BACH1: variants seen among roughly 807,000 people sequenced by gnomAD.
The protein encoded by BACH1 is BTB domain and CNC homolog 1.
A neutral mutation model predicts 52.9 loss-of-function variants in BACH1; 35 were observed. The ratio of observed to expected loss-of-function variants is 0.66; its 90% CI spans 0.51 to 0.88. The LOEUF (loss-of-function observed/expected upper bound fraction) is 0.88, where lower values mean the gene tolerates loss of function less well. Ranked by LOEUF, BACH1 falls within the 40% of genes least tolerant of loss-of-function variation. The pLI, the probability that BACH1 is intolerant of heterozygous loss-of-function variation, is 0.00. For synonymous variants in BACH1, 321 were observed against 319.6 expected (o/e 1.00, Z -0.05); for missense variants, 808 against 872.6 (o/e 0.93, Z 0.93).
chr21:29,343,464 G>A lies in BACH1; in HGVS notation c.*631G>A, dbSNP rs73195611. The A allele has an allele frequency of 0.075, 11,487 of 152,234 alleles. 564 individuals are homozygous for A. The highest frequency in any genetic ancestry group is 0.12 in the Non-Finnish European group (7,975 of 68,034). 9.4% of individuals were successfully genotyped at this position (152,234 alleles called of 1,614,324 possible). On this transcript the variant is annotated 3_prime_UTR_variant, in exon 5 of 5. Coordinates refer to ENST00000286800, the MANE Select transcript of BACH1 (RefSeq NM_001186.4). ...TAGGCAAGTGGTTGGCCTAAGACGG[G>A]GGCTGCTTCTCCTCTTCAGTATGGA...
rs1321384481 is a variant in BACH1, at chr21:29,345,982, T to A, written c.*3149T>A. ...ATGCAATAAAACCACTAAACTTTTG[T>A]GTCCATATTTTACTGAGACCATGTT... On this transcript the variant is annotated 3_prime_UTR_variant, in exon 5 of 5. Coordinates refer to ENST00000286800, the MANE Select transcript of BACH1 (RefSeq NM_001186.4). The A allele has an allele frequency of 6.6e-6, 1 of 152,646 alleles. No homozygotes were observed. Among genetic ancestry groups the A allele is most frequent in the Admixed American group, 6.5e-5 (1 of 15,280 alleles). 9.5% of individuals were successfully genotyped at this position (152,646 alleles called of 1,614,324 possible). A position where few individuals can be genotyped will look rare whatever the true frequency, so the allele number is the denominator to read the frequency against.
At chr21:29,352,057 CT>C (rs35436105) in intron 2 of BACH1, among the ~76,000 whole-genome samples, 305 of 139,680 alleles carry the variant, frequency 2.2e-3, no homozygotes, top group Middle Eastern at 3.7e-3. Context: ...ACCTAGTTTT[CT>C]TTTTTTTTTT....
At chr21:29,299,899 A>G (rs2088583843) in intron 1 of BACH1, 1 of 152,224 alleles carries the variant, frequency 6.6e-6, no homozygotes. Context: ...ACTGTTACCC[A>G]TGGATGATGC....
At chr21:29,305,299 G>A (rs1305683152) in intron 1 of BACH1, 1 of 152,094 alleles carries the variant, frequency 6.6e-6, no homozygotes, top group African/African-American at 2.4e-5. Context: ...GAAGTCAAAG[G>A]AAATGCTGCT....
At chr21:29,328,610 A>G (rs925352691) in intron 3 of BACH1, among the ~76,000 whole-genome samples, 7 of 152,178 alleles carry the variant, frequency 4.6e-5, no homozygotes, top group African/African-American at 1.7e-4. Context: ...ACGATACAGT[A>G]TTGTTAAGTA....
intron 1 of BACH1, 116 bp downstream of exon 1, chr21:29,299,069 G>A (rs2088572110): frequency 6.6e-6 from 1 of 152,360 alleles, no homozygotes; most frequent in East Asian, 1.9e-4. Context: ...GCGGGCCGGG[G>A]GCGGCTCTTT....
In BACH1 at chr21:29,321,315, A is replaced by C. The variant is rs986315857; in HGVS notation, c.35A>C (p.Glu12Ala). 2 of 1,613,972 alleles carry C rather than the reference A, an allele frequency of 1.2e-6. No homozygotes were observed. The highest frequency in any genetic ancestry group is 1.7e-6 in the Non-Finnish European group (2 of 1,179,984). The stretch of plus-strand genomic sequence containing the variant: ...AGTGAGAACTCGGTTTTTGCCTATG[A>C]ATCTTCTGTGCATAGCACCAATGTT... The part of the protein sequence containing the change: ...SLSENSVFAY[E>A]SSVHSTNVLL... The change falls in exon 2 of 5, where the codon GAA becomes GCA. Residue 12 changes from glutamate (E) to alanine (A), a missense_variant. Transcript: ENST00000286800.
chr21:29,342,745 A>G lies in BACH1; in HGVS notation c.2123A>G (p.Gln708Arg). Reference protein sequence around the residue: ...SQQMSTATSEQAGPAEQCRQS... With the variant: ...SQQMSTATSERAGPAEQCRQS... ...CAGATGTCCACAGCCACCTCTGAGC[A>G]AGCTGGGCCTGCGGAACAGTGTCGT... Residue 708 changes from glutamine to arginine, a missense_variant, in exon 5 of 5, where the codon CAA becomes CGA. By Grantham distance (43) the Gln-to-Arg change is conservative. Transcript: ENST00000286800. 6.2e-7 allele frequency: 1 copy of G among 1,614,152 alleles called. No individual in the cohort carries two copies. Among genetic ancestry groups the G allele is most frequent in the Middle Eastern group, 1.7e-4 (1 of 6,060 alleles).
chr21:29,306,238 G>C (rs1471669213), intron 1 of BACH1, among the ~76,000 whole-genome samples: 1 of 150,508 alleles, frequency 6.6e-6, no homozygotes, highest in African/African-American at 2.4e-5. Context: ...AATGGAAAAA[G>C]GTTGAAGATG....
intron 1 of BACH1, among the ~76,000 whole-genome samples, chr21:29,309,532 C>A (rs889917355): frequency 6.6e-6 from 1 of 152,172 alleles, no homozygotes; most frequent in African/African-American, 2.4e-5. Context: ...TTGCCCTTCT[C>A]AAGCCTTTAG....
intron 2 of BACH1, among the ~76,000 whole-genome samples, chr21:29,356,670 A>G (rs1341045439): frequency 6.6e-6 from 1 of 152,242 alleles, no homozygotes; most frequent in Non-Finnish European, 1.5e-5. Flanking sequence ...TTTTGATAGG[A>G]AGGCTATGGG....
intron 2 of BACH1, chr21:29,361,341 C>G (rs1601380880): frequency 6.6e-6 from 1 of 152,306 alleles, no homozygotes; most frequent in African/African-American, 2.4e-5. Context: ...GGATATTATA[C>G]AGCTTGCTTT....
intron 4 of BACH1, among the ~76,000 whole-genome samples, chr21:29,339,878 C>T (rs1429951477): frequency 1.3e-5 from 2 of 152,080 alleles, no homozygotes; most frequent in African/African-American, 2.4e-5. Flanking sequence ...TCACATGACC[C>T]GCCCACCTCA....
At chr21:29,326,020 T>C (rs747755267) in intron 2 of BACH1, 39 bp from the exon 3 acceptor site, 12 of 1,549,514 alleles carry the variant, frequency 7.7e-6, no homozygotes, top group Middle Eastern at 2.0e-4. Context: ...CTAGACAGCT[T>C]TCAAATGATG....
At chr21:29,322,444 C>G (rs2088859737) in intron 2 of BACH1, among the ~76,000 whole-genome samples, 1 of 152,156 alleles carries the variant, frequency 6.6e-6, no homozygotes, top group African/African-American at 2.4e-5. Context: ...GGAGCTCAGG[C>G]TAACAAATAT....
chr21:29,310,820 T>A (rs1188715381), intron 1 of BACH1, among the ~76,000 whole-genome samples: 1 of 152,246 alleles, frequency 6.6e-6, no homozygotes, highest in Non-Finnish European at 1.5e-5. Context: ...AAAGGCTTGT[T>A]TGAGTGGCCT....
intron 2 of BACH1, among the ~76,000 whole-genome samples, chr21:29,324,555 C>CG (rs1569014321): frequency 9.9e-5 from 9 of 91,056 alleles, no homozygotes; most frequent in Non-Finnish European, 1.9e-4. Flanking sequence ...ATGGATGTAC[C>CG]TTGTGTGTGT....
Position 29,342,557 on chromosome 21 carries a change from T to G in BACH1, c.1935T>G (p.Asp645Glu). 1 of 1,614,246 alleles carries G rather than the reference T, an allele frequency of 6.2e-7. No individual in the cohort carries two copies. The highest frequency in any genetic ancestry group is 8.5e-7 in the Non-Finnish European group (1 of 1,180,040). Residue 645 changes from aspartate (D) to glutamate (E), a missense_variant, in exon 5 of 5, where the codon GAT (aspartate) becomes GAG (glutamate). Coordinates refer to ENST00000286800, the MANE Select transcript of BACH1 (RefSeq NM_001186.4). ...IQILAKYSAA[D>E]CPLSFLISEK... is the part of the protein sequence containing the mutation. ...TACTCGCCAAGTACTCAGCTGCAGA[T>G]TGCCCACTTTCATTTTTAATTTCTG...
At chr21:29,301,890 T>G (rs140705370) in intron 1 of BACH1, among the ~76,000 whole-genome samples, 4 of 152,164 alleles carry the variant, frequency 2.6e-5, no homozygotes, top group Admixed American at 2.6e-4. Context: ...CTCCTACTAG[T>G]GCTGGGGGCG....
Sources: allele counts gnomAD v4.1 joint callset (sites outside exome capture counted in the v4.1 genomes callset), GRCh38; gene constraint gnomAD v4.1.1; transcripts MANE v1.5; gene names NCBI Gene and HGNC (gene_info 2026-07-23, HGNC 2026-07-21).